Variants in GPM6B observed in about 807,000 individuals in gnomAD.
GPM6B encodes the protein neuronal membrane glycoprotein M6-b.
Under a neutral mutation model 27.2 loss-of-function variants are expected in GPM6B, and 4 were observed. The ratio of observed to expected loss-of-function variants is 0.15; its 90% CI spans 0.07 to 0.34. GPM6B has a LOEUF of 0.34. GPM6B is among the 10% of genes least tolerant of loss of function. GPM6B has a pLI of 1.00. For synonymous variants in GPM6B, 124 were observed against 103.1 expected, an observed-to-expected ratio of 1.20 and a Z score of -1.23; for missense variants, 183 against 261.9, an observed-to-expected ratio of 0.70 and a Z score of 2.08.
intron 7 of GPM6B, chrX:13,774,035 A>G (rs1321229090): frequency 4.3e-5 from 31 of 725,506 alleles, no homozygotes; most frequent in African/African-American, 8.6e-5. Flanking sequence ...TTTGAGGGTC[A>G]TTTGGTAGTG....
chrX:13,840,443 G>A (rs2049559148), intron 1 of GPM6B, among the ~76,000 whole-genome samples: 1 of 111,606 alleles, frequency 9.0e-6, no homozygotes, highest in Admixed American at 9.5e-5. Flanking sequence ...ACATTTCCTG[G>A]TGTCCCCATC....
chrX:13,851,909 A>T (rs2049722448), intron 1 of GPM6B, among the ~76,000 whole-genome samples: 1 of 105,865 alleles, frequency 9.4e-6, no homozygotes, highest in Admixed American at 1.1e-4. Context: ...CCCTCCCCTG[A>T]CCCCCCAGCA....
chrX:13,923,172 G>A (rs143566661), intron 1 of GPM6B, among the ~76,000 whole-genome samples: 11,830 of 106,516 alleles, frequency 0.11, 536 homozygotes, highest in Admixed American at 0.14. Flanking sequence ...GTGAAACTCC[G>A]TCTCAGAAAA....
intron 2 of GPM6B, among the ~76,000 whole-genome samples, chrX:13,790,119 G>A (rs190449461): frequency 8.9e-6 from 1 of 112,270 alleles, no homozygotes; most frequent in Non-Finnish European, 1.9e-5. Context: ...CTCCCAAAGT[G>A]CTGCAATTAC....
At chrX:13,777,463 A>C (rs747555502) in intron 5 of GPM6B, 38 bp from the exon 6 acceptor site, 1 of 940,421 alleles carries the variant, frequency 1.1e-6, no homozygotes, top group East Asian at 3.1e-5. Flanking sequence ...AGTACAAACT[A>C]TAGCGCCTCA....
rs945547808 is a variant in GPM6B at position 13,919,504 on chromosome X, T to C, written c.-198+18823A>G. Among the ~76,000 whole-genome samples the C allele has an allele frequency of 1.4e-4, 16 of 112,261 alleles. 1 individual carries two copies. The highest frequency in any genetic ancestry group is 4.2e-3 in the Middle Eastern group (1 of 236). On this transcript the variant is annotated intron_variant, in intron 1 of 6. Transcript: ENST00000398361. ...CACCAACTGAAAATTTATAGTAAGA[T>C]AGAGATCCAAATATATTTAGGAATA... is the stretch of plus-strand genomic sequence containing the variant.
chrX:13,884,050 G>A (rs1160408907), intron 1 of GPM6B, among the ~76,000 whole-genome samples: 3 of 110,642 alleles, frequency 2.7e-5, no homozygotes, highest in East Asian at 2.8e-4. Context: ...GGTGGCACAC[G>A]CCTGTAATCC....
chrX:13,896,345 T>A (rs1228209792), intron 1 of GPM6B, among the ~76,000 whole-genome samples: 13 of 107,657 alleles, frequency 1.2e-4, no homozygotes, highest in Admixed American at 1.1e-3. Flanking sequence ...ATGAAAGGTG[T>A]CACCCCAAGT....
rs145493868 is a variant in GPM6B at position 13,839,791 on chromosome X, A to G, written c.-197-53983T>C. ...TTTCATTTATAGATTTAATGCAATCAGGTCAAAATCCTGACAAGCCTTATT... is the reference window on the plus strand; with the variant it reads ...TTTCATTTATAGATTTAATGCAATCGGGTCAAAATCCTGACAAGCCTTATT... On this transcript the variant is annotated intron_variant, in intron 1 of 6. Coordinates refer to the GPM6B transcript ENST00000398361. Among the ~76,000 whole-genome samples, 346 of 112,119 alleles carry G rather than the reference A, an allele frequency of 3.1e-3. 1 individual carries two copies. Among genetic ancestry groups the G allele is most frequent in the African/African-American group, 0.01 (323 of 30,827 alleles).
intron 1 of GPM6B, among the ~76,000 whole-genome samples, chrX:13,852,749 G>A (rs950735917): frequency 8.6e-5 from 9 of 104,764 alleles, no homozygotes; most frequent in Non-Finnish European, 1.8e-4. Flanking sequence ...ACAAATAAAG[G>A]CTGGGGGAAG....
intron 1 of GPM6B, among the ~76,000 whole-genome samples, chrX:13,841,374 G>C (rs1295647810): frequency 9.0e-6 from 1 of 111,559 alleles, no homozygotes; most frequent in Admixed American, 9.5e-5. Flanking sequence ...GCTATGGGAA[G>C]TTATCTCACT....
intron 1 of GPM6B, among the ~76,000 whole-genome samples, chrX:13,829,241 G>C (rs991511682): frequency 9.0e-6 from 1 of 111,262 alleles, no homozygotes; most frequent in African/African-American, 3.3e-5. Context: ...ACCTTGTCCA[G>C]CATCCCTGCC....
intron 1 of GPM6B, among the ~76,000 whole-genome samples, chrX:13,813,600 AGTT>A (rs750459519): frequency 1.3e-3 from 149 of 112,155 alleles, no homozygotes; most frequent in African/African-American, 4.1e-3. Context: ...GAGCATACAA[AGTT>A]GTTATGATTC....
At chrX:13,893,430 T>A (rs58517255) in intron 1 of GPM6B, among the ~76,000 whole-genome samples, 2,615 of 111,609 alleles carry the variant, frequency 0.023, 81 homozygotes, top group East Asian at 0.2. Flanking sequence ...AAAAACATGC[T>A]TCCTGTCAAA....
At chrX:13,928,524 G>A (rs772983994) in intron 1 of GPM6B, among the ~76,000 whole-genome samples, 1 of 111,984 alleles carries the variant, frequency 8.9e-6, no homozygotes, top group East Asian at 2.8e-4. Flanking sequence ...TAATTACCAT[G>A]GAAACTGTCA....
At chrX:13,922,215 G>C (rs1920986921) in intron 1 of GPM6B, among the ~76,000 whole-genome samples, 1 of 111,105 alleles carries the variant, frequency 9.0e-6, no homozygotes, top group Non-Finnish European at 1.9e-5. Flanking sequence ...ATAACTCTTT[G>C]TTGAGGAGAG....
In GPM6B at chrX:13,921,580, C is replaced by CT. The variant is rs1328500233; in HGVS notation, c.-198+16746_-198+16747insA. On this transcript the variant is annotated intron_variant, in intron 1 of 6. Coordinates refer to the GPM6B transcript ENST00000398361. ...TTGCAACCACATTTATAACCCCCCCCCTTTTTTTTTTTTTAGACAGAGTCT... is the reference window on the plus strand; with the variant it reads ...TTGCAACCACATTTATAACCCCCCCCTCTTTTTTTTTTTTTAGACAGAGTCT... Among the ~76,000 whole-genome samples the CT allele has an allele frequency of 1.6e-3, 86 of 54,200 alleles. 2 individuals are homozygous for CT. The highest frequency in any genetic ancestry group is 5.6e-3 in the South Asian group (9 of 1,607). 47.1% of individuals were successfully genotyped at this position (54,200 alleles called of 115,157 possible). A position where few individuals can be genotyped will look rare whatever the true frequency, so the allele number is the denominator to read the frequency against.
intron 1 of GPM6B, among the ~76,000 whole-genome samples, chrX:13,875,458 G>A (rs892519347): frequency 5.4e-4 from 60 of 111,418 alleles, no homozygotes; most frequent in Non-Finnish European, 4.7e-4. Flanking sequence ...GCAAAAGGCC[G>A]CACGGGTAGC....
intron 1 of GPM6B, among the ~76,000 whole-genome samples, chrX:13,879,183 C>G (rs1225271922): frequency 3.6e-5 from 4 of 111,980 alleles, no homozygotes; most frequent in Non-Finnish European, 7.5e-5. Context: ...ATGTTTATTT[C>G]CCTCCCTCCC....
Sources: allele counts gnomAD v4.1 joint callset (sites outside exome capture counted in the v4.1 genomes callset), GRCh38; gene constraint gnomAD v4.1.1; transcripts MANE v1.5; gene names NCBI Gene and HGNC (gene_info 2026-07-23, HGNC 2026-07-21).